KRTAP9-9: variants seen among roughly 807,000 people sequenced by gnomAD.
KRTAP9-9 encodes keratin associated protein 9-9.
In KRTAP9-9, 12 loss-of-function variants were observed where a neutral mutation model predicts 13.7. That is an observed-to-expected ratio of 0.88 (90% CI 0.56 to 1.42). The LOEUF is 1.42. KRTAP9-9 is among the 40% of genes most tolerant of loss of function. The pLI, the probability that KRTAP9-9 is intolerant of heterozygous loss-of-function variation, is 0.00. For synonymous variants in KRTAP9-9, 81 were observed against 78.1 expected (o/e 1.04, Z -0.19); for missense variants, 194 against 206.5 (o/e 0.94, Z 0.37).
chr17:41,255,448 C>T, exon 1 of KRTAP9-9: 1 of 1,579,158 alleles, frequency 6.3e-7, no homozygotes, highest in Non-Finnish European at 8.6e-7. Context: ...GCTGGAAGCC[C>T]ACCACTGTGA....
exon 1 of KRTAP9-9, chr17:41,255,952 T>C (rs1448641035): frequency 5.0e-6 from 8 of 1,593,416 alleles, no homozygotes; most frequent in Non-Finnish European, 6.9e-6. Flanking sequence ...AACTGACTTA[T>C]CTTTTGGAGG....
chr17:41,255,914 AC>A (rs1372370041), exon 1 of KRTAP9-9: 1 of 1,612,612 alleles, frequency 6.2e-7, no homozygotes. Flanking sequence ...CAAGAGAACA[AC>A]CATCTTCACA....
At position 41,255,813 on chromosome 17, in the gene KRTAP9-9, C is replaced by T. The variant is rs767313021; in HGVS notation, c.428C>T (p.Ala143Val). Residue 143 changes from alanine to valine, a missense_variant, in exon 1 of 1, where the codon GCC becomes GTC. Transcript: ENST00000394008. ...TGCTGCCAGCCCTGCTGCCGCCCCG[C>T]CTGCTGTGAGACCACCTGCTGCAGG... is the stretch of plus-strand genomic sequence containing the variant. 3.7e-6 allele frequency: 6 copies of T among 1,613,210 alleles called. No homozygotes were observed. The highest frequency in any genetic ancestry group is 4.2e-6 in the Non-Finnish European group (5 of 1,179,592).
At chr17:41,256,075 T>C (rs1278923235) in exon 1 of KRTAP9-9, 1 of 1,138,532 alleles carries the variant, frequency 8.8e-7, no homozygotes, top group African/African-American at 1.6e-5. Flanking sequence ...TACTTCATCC[T>C]GATTCTCTTT....
At position 41,256,054 on chromosome 17, in the gene KRTAP9-9, G is replaced by A. The variant is rs551225269; in HGVS notation, c.*159G>A. On this transcript the variant is annotated 3_prime_UTR_variant, in exon 1 of 1. Transcript: ENST00000394008. ...TTAAAATCTTGTGAATCAGCTTGAG[G>A]GAGGGCAGAATACTTCATCCTGATT... The A allele has an allele frequency of 3.7e-5, 51 of 1,382,760 alleles. No individual in the cohort carries two copies. In the East Asian group the frequency reaches 1.1e-3, roughly 29 times the overall value. 85.7% of individuals were successfully genotyped at this position (1,382,760 alleles called of 1,614,324 possible).
exon 1 of KRTAP9-9, chr17:41,255,786 G>A (rs1411863079): frequency 6.2e-6 from 10 of 1,613,122 alleles, no homozygotes; most frequent in South Asian, 5.5e-5. Context: ...TGTGGATCCA[G>A]CTGCTGCCAG....
At chr17:41,256,008 T>G in exon 1 of KRTAP9-9, 1 of 1,529,414 alleles carries the variant, frequency 6.5e-7, no homozygotes, top group Non-Finnish European at 8.8e-7. Flanking sequence ...TCACCCAAAT[T>G]TTTATGAATT....
In KRTAP9-9 at chr17:41,256,019, C is replaced by A. The variant is rs1047243886; in HGVS notation, c.*124C>A. On this transcript the variant is annotated 3_prime_UTR_variant, in exon 1 of 1. Transcript: ENST00000394008. The stretch of plus-strand genomic sequence containing the variant: ...GTTCTCACCCAAATTTTTATGAATT[C>A]TCTGCATATTTAAAATCTTGTGAAT... 4 of 1,518,324 alleles carry A rather than the reference C, an allele frequency of 2.6e-6. No homozygotes were observed. In the African/African-American group the frequency reaches 4.2e-5, roughly 16 times the overall value. The allele number at this position is 1,518,324 out of a possible 1,614,324, so 94.1% of individuals were successfully genotyped here. A position where few individuals can be genotyped will look rare whatever the true frequency, so the allele number is the denominator to read the frequency against.
exon 1 of KRTAP9-9, chr17:41,256,096 TTG>T: frequency 1.1e-6 from 1 of 933,892 alleles, no homozygotes; most frequent in Non-Finnish European, 1.6e-6. Flanking sequence ...TTCTTATACC[TTG>T]TGAATCATGT....
chr17:41,255,619 A>C, exon 1 of KRTAP9-9: 1 of 1,613,448 alleles, frequency 6.2e-7, no homozygotes, highest in Non-Finnish European at 8.5e-7. Flanking sequence ...GCTGCAGCAC[A>C]ACCTGCTGCC....
chr17:41,255,931 A>T lies in KRTAP9-9; in HGVS notation c.*36A>T, dbSNP rs772702179. 1.4e-5 allele frequency: 23 copies of T among 1,608,094 alleles called. 2 individuals carry two copies. The South Asian group carries it at 2.5e-4, about 18-fold the overall frequency. On this transcript the variant is annotated 3_prime_UTR_variant, in exon 1 of 1. Coordinates refer to ENST00000394008, the Ensembl canonical transcript of KRTAP9-9. ...AGAGAACAACCATCTTCACACAACA[A>T]CCTTCTGCTCAACTGACTTATCTTT...
At chr17:41,255,440 T>TGCAGGACCACCTGCC (rs1188672289) in exon 1 of KRTAP9-9, 1 of 1,573,588 alleles carries the variant, frequency 6.4e-7, no homozygotes, top group East Asian at 2.3e-5. Flanking sequence ...GACCACCTGC[T>TGCAGGACCACCTGCC]GGAAGCCCAC....
exon 1 of KRTAP9-9, chr17:41,255,531 C>A (rs747855328): frequency 3.1e-6 from 5 of 1,613,006 alleles, no homozygotes. Context: ...TGCTGCCGCC[C>A]AGCTTGCTGT....
exon 1 of KRTAP9-9, chr17:41,255,665 A>G: frequency 6.2e-7 from 1 of 1,611,764 alleles, no homozygotes; most frequent in East Asian, 2.2e-5. Flanking sequence ...CTGTGGCCAA[A>G]CCAGCTGTGG....
chr17:41,255,866 T>A, exon 1 of KRTAP9-9: 2 of 1,613,184 alleles, frequency 1.2e-6, no homozygotes, highest in South Asian at 1.1e-5. Context: ...CACCTGTGTG[T>A]CCAGCTGCTG....
chr17:41,255,676 G>A (rs376669989), exon 1 of KRTAP9-9: 11 of 1,612,960 alleles, frequency 6.8e-6, no homozygotes, highest in Non-Finnish European at 8.5e-6. Flanking sequence ...CCAGCTGTGG[G>A]TCCAGCTGTG....
chr17:41,255,961 GGACTAATTTACCTTACTGCT>G, exon 1 of KRTAP9-9: 1 of 1,587,014 alleles, frequency 6.3e-7, no homozygotes, highest in Non-Finnish European at 8.6e-7. Context: ...ATCTTTTGGA[GGACTAATTTACCTTACTGCT>G]GACAGCAACC....
exon 1 of KRTAP9-9, chr17:41,256,074 C>A (rs77196018): frequency 1.0e-6 from 1 of 991,692 alleles, no homozygotes; most frequent in Non-Finnish European, 1.5e-6. Context: ...ATACTTCATC[C>A]TGATTCTCTT....
At chr17:41,256,057 G>C (rs1169157344) in exon 1 of KRTAP9-9, 3 of 1,353,464 alleles carry the variant, frequency 2.2e-6, no homozygotes, top group Non-Finnish European at 3.0e-6. Context: ...GCTTGAGGGA[G>C]GGCAGAATAC....
Sources: gnomAD v4.1 joint callset for allele counts on GRCh38, gnomAD v4.1.1 for gene constraint, MANE v1.5 for transcripts, NCBI Gene and HGNC (gene_info 2026-07-23, HGNC 2026-07-21) for gene names.